The following INTS6 variants were observed in gnomAD, a reference collection of about 807,000 sequenced individuals.
The protein encoded by INTS6 is DEAD box protein.
In INTS6, 16 loss-of-function variants were observed where a neutral mutation model predicts 104.9. That is an observed-to-expected ratio of 0.15 (90% confidence interval 0.10 to 0.23). The LOEUF (loss-of-function observed/expected upper bound fraction) is 0.23. INTS6 is among the 10% of genes least tolerant of loss of function. The pLI, the probability that INTS6 is intolerant of heterozygous loss-of-function variation, is 1.00. For synonymous variants in INTS6, 324 were observed against 358.7 expected, an observed-to-expected ratio of 0.90 and a Z score of 1.09; for missense variants, 584 against 1,062.8, an observed-to-expected ratio of 0.55 and a Z score of 6.26.
rs148434316 is a variant in INTS6 at position 51,383,598 on chromosome 13, T to C, written c.1038A>G (p.Thr346=). 3.3e-5 allele frequency: 53 copies of C among 1,613,578 alleles called. No homozygotes were observed. The highest frequency in any genetic ancestry group is 4.3e-5 in the Non-Finnish European group (51 of 1,179,810). ...QFILERKSPQ[T]CWQVYVSNSA... is the part of the protein sequence containing the mutation. ...AAGTTGTTCAGCTTACCTGCCAACA[T>C]GTTTGAGGAGATTTCCTTTCCAGGA... The change falls in exon 8 of 18, where the codon ACA becomes ACG. Residue 346 remains threonine (T), a synonymous_variant. Coordinates refer to ENST00000311234, the MANE Select transcript of INTS6 (RefSeq NM_012141.3).
intron 3 of INTS6, chr13:51,450,215 T>C (rs1326421351): frequency 2.0e-6 from 2 of 984,986 alleles, no homozygotes; most frequent in East Asian, 2.3e-4. Context: ...CTTTGTTACA[T>C]GTAACATTAT....
intron 3 of INTS6, chr13:51,442,514 G>C (rs535818230): frequency 1.3e-5 from 2 of 152,370 alleles, no homozygotes; most frequent in African/African-American, 4.8e-5. Context: ...TTATTCTTCA[G>C]ATGCTACTAC....
intron 3 of INTS6, 67 bp downstream of exon 3, chr13:51,450,958 T>C: frequency 7.1e-7 from 1 of 1,404,728 alleles, no homozygotes; most frequent in South Asian, 1.9e-5. Flanking sequence ...ATGTAGTTTT[T>C]GGACTGGACT....
intron 4 of INTS6, among the ~76,000 whole-genome samples, chr13:51,429,785 A>AAAAAAATT (rs1156333077): frequency 1.1e-5 from 1 of 92,358 alleles, no homozygotes; most frequent in African/African-American, 4.6e-5. Flanking sequence ...AAAAAAAAAA[A>AAAAAAATT]ATATATATAT....
At position 51,362,103 on chromosome 13, in the gene INTS6, T is replaced by A. The variant is rs1380886327; in HGVS notation, c.*3649A>T. ...AACTTATCCTCCATGTTTTTTACCT[T>A]CTCATTCTCTCAGCTCATATATAGT... On this transcript the variant is annotated 3_prime_UTR_variant, in exon 18 of 18. Transcript: ENST00000311234. 45 of 1,482,794 alleles carry A rather than the reference T, an allele frequency of 3.0e-5. No homozygotes were observed. Among genetic ancestry groups the A allele is most frequent in the East Asian group, 1.0e-4 (4 of 40,138 alleles). The allele number at this position is 1,482,794 out of a possible 1,614,324, so 91.9% of individuals were successfully genotyped here. A position where few individuals can be genotyped will look rare whatever the true frequency, so the allele number is the denominator to read the frequency against.
chr13:51,414,539 A>G (rs1038458674), intron 4 of INTS6, among the ~76,000 whole-genome samples: 2 of 152,174 alleles, frequency 1.3e-5, no homozygotes, highest in African/African-American at 2.4e-5. Context: ...TAATAAATAG[A>G]AAGTTGGTCC....
intron 4 of INTS6, among the ~76,000 whole-genome samples, chr13:51,418,098 C>T (rs532657511): frequency 1.4e-4 from 21 of 152,260 alleles, no homozygotes; most frequent in Admixed American, 1.2e-3. Flanking sequence ...TAAGTTTACA[C>T]ATTTTTTAAA....
chr13:51,447,178 T>C (rs1291464016), intron 3 of INTS6: 1 of 152,226 alleles, frequency 6.6e-6, no homozygotes, highest in Non-Finnish European at 1.5e-5. Context: ...AAGATGTCTA[T>C]AGCTTAATAA....
chr13:51,347,118 A>G, the INTS6 span: 1 of 1,613,064 alleles, frequency 6.2e-7, no homozygotes, highest in Non-Finnish European at 8.5e-7. Context: ...ATGTCCTTCC[A>G]AGGCACTTGG....
rs1955612427 is a variant in INTS6 at position 51,363,017 on chromosome 13, A to G, written c.*2735T>C. The G allele has an allele frequency of 6.6e-6, 1 of 151,954 alleles. No individual in the cohort carries two copies. The highest frequency in any genetic ancestry group is 1.9e-4 in the East Asian group (1 of 5,192). The allele number at this position is 151,954 out of a possible 1,614,324, so 9.4% of individuals were successfully genotyped here. ...AGGCGGCAGAGAGCCTTCTCTTAGAAAGGACACGTCAAAAAAATGAAAGAT... is the reference window on the plus strand; with the variant it reads ...AGGCGGCAGAGAGCCTTCTCTTAGAGAGGACACGTCAAAAAAATGAAAGAT... On this transcript the variant is annotated 3_prime_UTR_variant, in exon 18 of 18. Transcript: ENST00000311234.
At chr13:51,414,833 TACACACACACACACACACACACACAC>T (rs151197136) in intron 4 of INTS6, among the ~76,000 whole-genome samples, 3 of 142,950 alleles carry the variant, frequency 2.1e-5, no homozygotes, top group Non-Finnish European at 4.6e-5. Context: ...AGTTCTTCTA[TACACACACACACACACACACACACAC>T]ACACACACAC....
chr13:51,355,151 C>T lies in INTS6; in HGVS notation n.431-815G>A, dbSNP rs367568769. ...ACTTGAAAGGAATTTCAGGTAAAAA[C>T]GGTTCTTCTTCCAAACGTTCTAGCC... On this transcript the variant is annotated intron_variant and non_coding_transcript_variant, in intron 3 of 3. Transcript: ENST00000476666. 33 of 1,410,836 alleles carry T rather than the reference C, an allele frequency of 2.3e-5. No individual in the cohort carries two copies. The African/African-American group carries it at 3.6e-4, about 15-fold the overall frequency. 87.4% of individuals were successfully genotyped at this position (1,410,836 alleles called of 1,614,324 possible).
intron 4 of INTS6, among the ~76,000 whole-genome samples, chr13:51,416,299 A>C (rs1956785215): frequency 1.3e-5 from 2 of 152,208 alleles, no homozygotes. Context: ...AAAGTGGCTG[A>C]ACCAGGAAGT....
chr13:51,341,001 G>A, the INTS6 span: 1 of 1,458,408 alleles, frequency 6.9e-7, no homozygotes, highest in Non-Finnish European at 9.4e-7. Flanking sequence ...GGGGGTCCCA[G>A]TCCTCTGTGG....
At chr13:51,348,406 G>T in the INTS6 span, 8 of 1,612,994 alleles carry the variant, frequency 5.0e-6, no homozygotes, top group Non-Finnish European at 6.8e-6. Flanking sequence ...ATGTGTTCCT[G>T]CCCAGGTGAG....
chr13:51,375,734 G>GGTGT (rs71684515), intron 13 of INTS6, among the ~76,000 whole-genome samples: 8,340 of 147,636 alleles, frequency 0.056, 244 homozygotes, highest in Middle Eastern at 0.1. Context: ...TTGATAAGTG[G>GGTGT]GTGTGTGTGT....
chr13:51,389,766 T>C (rs1354992655), intron 5 of INTS6, among the ~76,000 whole-genome samples: 1 of 152,106 alleles, frequency 6.6e-6, no homozygotes, highest in African/African-American at 2.4e-5. Flanking sequence ...TTAAAACATA[T>C]ATATAAAAAA....
intron 4 of INTS6, among the ~76,000 whole-genome samples, chr13:51,418,389 A>G (rs1214413602): frequency 1.3e-5 from 2 of 152,154 alleles, no homozygotes; most frequent in East Asian, 3.8e-4. Context: ...AAAATCAAGT[A>G]AATTTCCCTT....
intron 16 of INTS6, among the ~76,000 whole-genome samples, chr13:51,368,138 CA>C (rs1244503178): frequency 6.6e-6 from 1 of 151,960 alleles, no homozygotes; most frequent in Non-Finnish European, 1.5e-5. Context: ...ATTAAGGTAT[CA>C]AACATAAAGC....
Sources: allele counts gnomAD v4.1 joint callset (sites outside exome capture counted in the v4.1 genomes callset), GRCh38; gene constraint gnomAD v4.1.1; transcripts MANE v1.5; gene names NCBI Gene and HGNC (gene_info 2026-07-23, HGNC 2026-07-21).